Variants in LRTM1 observed in about 807,000 individuals in gnomAD.
LRTM1 encodes leucine-rich repeat and transmembrane domain-containing protein 1.
A neutral mutation model predicts 32.4 loss-of-function variants in LRTM1; 38 were observed. The ratio of observed to expected loss-of-function variants is 1.17; its 90% CI spans 0.91 to 1.54. The LOEUF is 1.54. LRTM1 is among the 40% of genes most tolerant of loss of function. The pLI, the probability that LRTM1 is intolerant of heterozygous loss-of-function variation, is 0.00. For synonymous variants in LRTM1, 186 were observed against 169.9 expected, an observed-to-expected ratio of 1.09 and a Z score of -0.74; for missense variants, 466 against 415.4, an observed-to-expected ratio of 1.12 and a Z score of -1.06.
At chr3:54,932,504 A>T (rs1000028458), upstream of LRTM1, among the ~76,000 whole-genome samples, 1 of 152,334 alleles carries the variant, frequency 6.6e-6, no homozygotes, top group African/African-American at 2.4e-5. Flanking sequence ...AACAAAAATT[A>T]AGAAGCAAGT....
Position 54,918,382 on chromosome 3 carries a change from T to G in LRTM1, c.*77A>C. ...TCTTTTGGCAAAAGCAAAATCAGACTAACAGGAAACACATCAGCCCTACTC... is the reference window on the plus strand; with the variant it reads ...TCTTTTGGCAAAAGCAAAATCAGACGAACAGGAAACACATCAGCCCTACTC... On this transcript the variant is annotated 3_prime_UTR_variant, in exon 3 of 3. Coordinates refer to ENST00000273286, the MANE Select transcript of LRTM1 (RefSeq NM_020678.4). 1 of 538,884 alleles carries G rather than the reference T, an allele frequency of 1.9e-6. No individual in the cohort carries two copies. The highest frequency in any genetic ancestry group is 2.8e-6 in the Non-Finnish European group (1 of 358,924). The allele number at this position is 538,884 out of a possible 1,614,324, so 33.4% of individuals were successfully genotyped here.
At chr3:54,927,606 C>G (rs1478295181) in intron 1 of LRTM1, among the ~76,000 whole-genome samples, 1 of 152,034 alleles carries the variant, frequency 6.6e-6, no homozygotes, top group Non-Finnish European at 1.5e-5. Context: ...TTTGGTTCCA[C>G]TTTTCCCCCC....
intron 1 of LRTM1, among the ~76,000 whole-genome samples, chr3:54,966,273 C>T (rs1434237502): frequency 1.3e-5 from 2 of 152,128 alleles, no homozygotes; most frequent in East Asian, 3.9e-4. Context: ...GAGTCAGACC[C>T]TGTTTTGCAC....
intron 2 of LRTM1, among the ~76,000 whole-genome samples, chr3:54,923,241 C>T (rs776780955): frequency 1.4e-4 from 22 of 152,136 alleles, no homozygotes; most frequent in Non-Finnish European, 2.4e-4. Flanking sequence ...TGATCTGACC[C>T]CCAAGTACTG....
upstream of LRTM1, among the ~76,000 whole-genome samples, chr3:54,928,742 T>G (rs555274331): frequency 5.9e-5 from 9 of 152,092 alleles, 1 homozygote; most frequent in African/African-American, 2.2e-4. Context: ...ATTGACCTTT[T>G]GGTTAGTGTG....
intron 1 of LRTM1, among the ~76,000 whole-genome samples, chr3:54,946,833 G>C (rs6789935): frequency 0.26 from 39,905 of 151,410 alleles, 5,578 homozygotes; most frequent in African/African-American, 0.35. Flanking sequence ...AAAAAAAAAT[G>C]ATGGGACCAT....
At chr3:54,939,423 C>G (rs1033255868) in intron 1 of LRTM1, among the ~76,000 whole-genome samples, 3 of 152,290 alleles carry the variant, frequency 2.0e-5, no homozygotes, top group African/African-American at 4.8e-5. Context: ...CTTCCCAGTC[C>G]CTTCCCCTGG....
intron 1 of LRTM1, among the ~76,000 whole-genome samples, chr3:54,956,670 A>G (rs1011721326): frequency 1.3e-5 from 2 of 152,126 alleles, no homozygotes; most frequent in Non-Finnish European, 2.9e-5. Flanking sequence ...CAGATTAGGT[A>G]ATTTGTTCTC....
intron 1 of LRTM1, among the ~76,000 whole-genome samples, chr3:54,949,782 T>C (rs957925455): frequency 2.8e-5 from 4 of 140,962 alleles, no homozygotes; most frequent in African/African-American, 1.0e-4. Context: ...GATGCATCCT[T>C]AGGCTCCTGG....
chr3:54,964,945 C>G (rs1171759602), intron 1 of LRTM1, among the ~76,000 whole-genome samples: 1 of 152,034 alleles, frequency 6.6e-6, no homozygotes, highest in African/African-American at 2.4e-5. Flanking sequence ...TAGGCCCTTT[C>G]CCTAGCACTT....
intron 2 of LRTM1, 24 bp from the exon 3 acceptor site, chr3:54,918,916 C>T (rs758429363): frequency 6.6e-7 from 1 of 1,510,042 alleles, no homozygotes; most frequent in African/African-American, 1.4e-5. Flanking sequence ...AAGCAAAGAA[C>T]AATAACAAAG....
Position 54,918,841 on chromosome 3 carries a change from T to C in LRTM1, c.656A>G (p.Lys219Arg), listed in dbSNP as rs1179897951. Residue 219 changes from lysine (K) to arginine (R), a missense_variant, in exon 3 of 3, where the codon AAG becomes AGG. By Grantham distance (26) the Lys-to-Arg change is conservative. Transcript: ENST00000273286. ...ICESPDTWKG[K>R]DLLRIPHELY... ...CTCATGAGGGATCCTAAGGAGGTCCTTTCCCTTCCAGGTGTCTGGTGATTC... is the reference window on the plus strand; with the variant it reads ...CTCATGAGGGATCCTAAGGAGGTCCCTTCCCTTCCAGGTGTCTGGTGATTC... The C allele has an allele frequency of 6.3e-7, 1 of 1,586,010 alleles. No homozygotes were observed. Among genetic ancestry groups the C allele is most frequent in the Non-Finnish European group, 8.6e-7 (1 of 1,163,292 alleles).
At chr3:54,921,694 G>T (rs1700855759) in intron 2 of LRTM1, among the ~76,000 whole-genome samples, 1 of 152,126 alleles carries the variant, frequency 6.6e-6, no homozygotes, top group Admixed American at 6.5e-5. Context: ...ACTTGGGGAT[G>T]ACCTTAGAGG....
chr3:54,947,017 A>G (rs1701633418), intron 1 of LRTM1, among the ~76,000 whole-genome samples: 1 of 152,322 alleles, frequency 6.6e-6, no homozygotes, highest in African/African-American at 2.4e-5. Context: ...TAGACAAGTA[A>G]TTGGGTCATC....
chr3:54,922,401 A>G (rs966369165), intron 2 of LRTM1, among the ~76,000 whole-genome samples: 1 of 151,770 alleles, frequency 6.6e-6, no homozygotes, highest in Non-Finnish European at 1.5e-5. Flanking sequence ...CTTACAATTT[A>G]ATCCACAATA....
At chr3:54,930,346 C>T (rs1338793494), upstream of LRTM1, among the ~76,000 whole-genome samples, 1 of 152,166 alleles carries the variant, frequency 6.6e-6, no homozygotes, top group East Asian at 1.9e-4. Context: ...TTCTTATGTC[C>T]AGAACCTTGT....
intron 1 of LRTM1, among the ~76,000 whole-genome samples, chr3:54,939,654 A>G (rs1238354293): frequency 2.0e-5 from 3 of 152,234 alleles, no homozygotes; most frequent in East Asian, 1.9e-4. Context: ...GAACGGAGCT[A>G]TCAGTCAGAT....
At chr3:54,925,612 A>C (rs940118591) in intron 1 of LRTM1, among the ~76,000 whole-genome samples, 19 of 152,350 alleles carry the variant, frequency 1.2e-4, no homozygotes, top group African/African-American at 4.6e-4. Flanking sequence ...AGATACTTAC[A>C]TTTCTGTAAA....
intron 1 of LRTM1, among the ~76,000 whole-genome samples, chr3:54,966,551 G>A (rs1221150835): frequency 6.6e-6 from 1 of 152,168 alleles, no homozygotes; most frequent in East Asian, 1.9e-4. Context: ...CAGCCACATG[G>A]CTCACATCTG....
Sources: allele counts gnomAD v4.1 joint callset (sites outside exome capture counted in the v4.1 genomes callset), GRCh38; gene constraint gnomAD v4.1.1; transcripts MANE v1.5; gene names NCBI Gene and HGNC (gene_info 2026-07-23, HGNC 2026-07-21).